Variants in NEB observed in about 807,000 individuals in gnomAD.
NEB encodes the protein nemaline myopathy type 2.
NEB carries 512 observed loss-of-function variants against 952.2 expected under a neutral mutation model. That is an observed-to-expected ratio of 0.54 (90% CI 0.50 to 0.58). The LOEUF (loss-of-function observed/expected upper bound fraction) is 0.58, where lower values mean the gene tolerates loss of function less well. Among genes scored for constraint, NEB ranks in the 20% least tolerant of loss-of-function variants. The pLI, the probability that NEB is intolerant of heterozygous loss-of-function variation, is 0.00. For synonymous variants in NEB, 2,900 were observed against 3,149.8 expected (o/e 0.92, Z 2.66); for missense variants, 8,428 against 9,231.1 (o/e 0.91, Z 3.56).
chr2:151,681,612 A>C lies in NEB; in HGVS notation c.2944-784T>G, dbSNP rs374439684. ...AGACAAAATGGTTTTCATCGAAAACAAAACACCGAACAAGAAGTAAAACTT... is the reference window on the plus strand; with the variant it reads ...AGACAAAATGGTTTTCATCGAAAACCAAACACCGAACAAGAAGTAAAACTT... On this transcript the variant is annotated intron_variant, in intron 29 of 181. Transcript: ENST00000397345. 4.6e-5 allele frequency among the ~76,000 whole-genome samples: 7 copies of C among 152,366 alleles called. No individual in the cohort carries two copies. In the South Asian group the frequency reaches 6.2e-4, roughly 14 times the overall value.
Position 151,520,018 on chromosome 2 carries a change from T to A in NEB, c.22480-250A>T, listed in dbSNP as rs138956213. 633 of 275,816 alleles carry A rather than the reference T, an allele frequency of 2.3e-3. 11 individuals are homozygous for A. In the East Asian group the frequency reaches 0.026, roughly 11 times the overall value. 17.1% of individuals were successfully genotyped at this position (275,816 alleles called of 1,614,324 possible). On this transcript the variant is annotated intron_variant, in intron 153 of 181. Coordinates refer to ENST00000397345, the MANE Select transcript of NEB (RefSeq NM_001164508.2). ...TATTATTCCAAGGTATAAAAAGTAA[T>A]CACCTCTTTCTAATGCAAAACAAAA...
chr2:151,608,884 C>T (rs1330763170), intron 81 of NEB, among the ~76,000 whole-genome samples: 4 of 42,084 alleles, frequency 9.5e-5, no homozygotes, highest in Admixed American at 3.0e-4. Context: ...GCCTGGGCAA[C>T]AAGAGCAAAC....
chr2:151,521,268 C>A (rs997205641), intron 153 of NEB, among the ~76,000 whole-genome samples: 4 of 152,142 alleles, frequency 2.6e-5, no homozygotes, highest in Non-Finnish European at 5.9e-5. Context: ...TTGAATAAAT[C>A]CTCAGTGGAA....
chr2:151,488,301 T>G (rs2052851733), intron 181 of NEB, among the ~76,000 whole-genome samples: 1 of 152,138 alleles, frequency 6.6e-6, no homozygotes, highest in African/African-American at 2.4e-5. Context: ...GGCCAGACTT[T>G]TATACTTCTA....
Position 151,609,841 on chromosome 2 carries a change from G to A in NEB, c.12298C>T (p.Gln4100Ter). 1 of 1,594,572 alleles carries A rather than the reference G, an allele frequency of 6.3e-7. No individual in the cohort carries two copies. The highest frequency in any genetic ancestry group is 8.5e-7 in the Non-Finnish European group (1 of 1,170,408). ...TGCAGGTCATAGGCCTTTTTTGCTTGGATAATGTCGTTTTGATCCGGCATG... is the reference window on the plus strand; with the variant it reads ...TGCAGGTCATAGGCCTTTTTTGCTTAGATAATGTCGTTTTGATCCGGCATG... Reference protein sequence around the residue: ...TCMPDQNDIIQAKKAYDLQSD... With the variant: ...TCMPDQNDII Residue 4100 changes from glutamine to a stop codon, truncating the protein, a stop_gained, in exon 81 of 182, where the codon CAA becomes TAA. Transcript: ENST00000397345. LOFTEE classifies it high-confidence loss of function.
intron 76 of NEB, among the ~76,000 whole-genome samples, chr2:151,614,856 G>A (rs549640295): frequency 2.6e-5 from 4 of 152,082 alleles, no homozygotes; most frequent in Admixed American, 1.3e-4. Context: ...ATACCACACT[G>A]CTCAGTTTAC....
At chr2:151,644,654 AT>A in intron 55 of NEB, 79 bp from the exon 56 acceptor site, 2 of 1,206,972 alleles carry the variant, frequency 1.7e-6, no homozygotes, top group Non-Finnish European at 2.5e-6. Flanking sequence ...TGTGCTAAAT[AT>A]TTTGAGTCCA....
At chr2:151,518,471 C>T (rs1413877813) in intron 155 of NEB, 49 bp from the exon 156 acceptor site, 1 of 1,166,200 alleles carries the variant, frequency 8.6e-7, no homozygotes, top group Non-Finnish European at 1.3e-6. Context: ...AGCTGCTCAG[C>T]ATTCCTATTT....
chr2:151,693,655 A>C (rs12693090), intron 20 of NEB, among the ~76,000 whole-genome samples: 110,007 of 151,918 alleles, frequency 0.72, 41,760 homozygotes, highest in Non-Finnish European at 0.84. Flanking sequence ...TTTTCTTTAT[A>C]CAATCTATCG....
At chr2:151,670,866 A>G (rs980200823) in intron 38 of NEB, among the ~76,000 whole-genome samples, 157 bp downstream of exon 38, 1 of 152,216 alleles carries the variant, frequency 6.6e-6, no homozygotes, top group Non-Finnish European at 1.5e-5. Context: ...TCAAGATCCC[A>G]GTTGCCTCAA....
intron 144 of NEB, among the ~76,000 whole-genome samples, chr2:151,531,308 CTTTTTTTTT>C (rs1159075000): frequency 5.2e-4 from 44 of 84,032 alleles, no homozygotes; most frequent in East Asian, 1.5e-3. Context: ...TTTTTTCTTT[CTTTTTTTTT>C]TTTTTTTTTT....
rs1328505759 is a variant in NEB at position 151,625,641 on chromosome 2, G to A, written c.10348-3C>T. ...TCCCAGGCTTCTGTGTATAAGCGCTGTGAAGGATAAAAAGGTTAATGAATT... is the reference window on the plus strand; with the variant it reads ...TCCCAGGCTTCTGTGTATAAGCGCTATGAAGGATAAAAAGGTTAATGAATT... On this transcript the variant is annotated splice_region_variant and splice_polypyrimidine_tract_variant and intron_variant, in intron 70 of 181. Transcript: ENST00000397345. The A allele has an allele frequency of 6.4e-7, 1 of 1,571,512 alleles. No homozygotes were observed. Among genetic ancestry groups the A allele is most frequent in the Non-Finnish European group, 8.7e-7 (1 of 1,152,456 alleles).
rs750207141 is a variant in NEB, at chr2:151,655,356, A to G, written c.6721T>C (p.Trp2241Arg). ...TMNKHLYTID[W>R]NKDKTKIHVM... Reference sequence around the variant, plus strand: ...TGAATCTTGGTCTTATCTTTATTCCAATCAATGGTGTATAAATGCTAGGAA... The same window carrying G: ...TGAATCTTGGTCTTATCTTTATTCCGATCAATGGTGTATAAATGCTAGGAA... Residue 2241 changes from tryptophan to arginine, a missense_variant, in exon 51 of 182, where the codon TGG becomes CGG. Around this residue, in one of 11 missense-constraint regions of NEB, gnomAD observed 2,851 missense variants for 2,791.5 expected, o/e 1.02. Transcript: ENST00000397345. The G allele has an allele frequency of 6.3e-7, 1 of 1,589,004 alleles. No homozygotes were observed. The highest frequency in any genetic ancestry group is 2.2e-5 in the East Asian group (1 of 44,470).
intron 107 of NEB, among the ~76,000 whole-genome samples, chr2:151,570,868 A>G (rs1323567317): frequency 2.6e-5 from 4 of 152,176 alleles, no homozygotes; most frequent in African/African-American, 9.7e-5. Context: ...ATGGGTACAT[A>G]GTAGGTATAT....
chr2:151,609,611 T>C (rs1318970675), intron 81 of NEB, among the ~76,000 whole-genome samples, 198 bp downstream of exon 81: 1 of 152,212 alleles, frequency 6.6e-6, no homozygotes. Context: ...TGATTTATAT[T>C]TGTCTGAAAT....
intron 54 of NEB, among the ~76,000 whole-genome samples, chr2:151,647,954 A>C (rs1365334891): frequency 6.6e-6 from 1 of 152,234 alleles, no homozygotes; most frequent in Non-Finnish European, 1.5e-5. Context: ...TTATGTGAGT[A>C]TGTTCTTATT....
intron 24 of NEB, chr2:151,689,972 G>A (rs1272556065): frequency 6.6e-6 from 1 of 152,110 alleles, no homozygotes; most frequent in Non-Finnish European, 1.5e-5. Flanking sequence ...ATCTTGAGAA[G>A]GATGTACTAC....
intron 58 of NEB, 43 bp from the exon 59 acceptor site, chr2:151,642,912 A>T: frequency 6.9e-7 from 1 of 1,441,812 alleles, no homozygotes; most frequent in Non-Finnish European, 9.6e-7. Flanking sequence ...GCCAGTAATA[A>T]ATAGACACAT....
At position 151,727,818 on chromosome 2, in the gene NEB, G is replaced by T. The variant is rs1450050890; in HGVS notation, c.167C>A (p.Ala56Glu). 4.3e-6 allele frequency: 7 copies of T among 1,613,378 alleles called. No homozygotes were observed. Among genetic ancestry groups the T allele is most frequent in the Non-Finnish European group, 5.9e-6 (7 of 1,179,648 alleles). Residue 56 changes from alanine to glutamate, a missense_variant, in exon 5 of 182, where the codon GCA (alanine) becomes GAA (glutamate). Ala to Glu is a moderately radical substitution (Grantham distance 107). Around this residue, in one of 11 missense-constraint regions of NEB, gnomAD observed 2,851 missense variants for 2,791.5 expected, o/e 1.02. Transcript: ENST00000397345. ...ETSKPALAQP[A>E]LAQPASAKPV... is the part of the protein sequence containing the mutation. ...CTTTGCTGATGCTGGCTGTGCCAGTGCTGGCTGTGCCAGAGCTGGTTTGGA... is the reference window on the plus strand; with the variant it reads ...CTTTGCTGATGCTGGCTGTGCCAGTTCTGGCTGTGCCAGAGCTGGTTTGGA...
Sources: gnomAD v4.1 joint callset for allele counts (sites outside exome capture counted in the v4.1 genomes callset) on GRCh38, gnomAD v4.1.1 for gene constraint, gnomAD v4.1.1 regional missense constraint, MANE v1.5 for transcripts, NCBI Gene and HGNC (gene_info 2026-07-23, HGNC 2026-07-21) for gene names.